CDH18: variants seen among roughly 807,000 people sequenced by gnomAD.
CDH18 encodes cadherin-18.
Under a neutral mutation model 67.9 loss-of-function variants are expected in CDH18, and 31 were observed. The observed-to-expected ratio is 0.46, with a 90% CI of 0.34 to 0.62. CDH18 has a LOEUF of 0.62. Ranked by LOEUF, CDH18 falls within the 20% of genes least tolerant of loss-of-function variation. CDH18 has a pLI of 0.01. For missense variants in CDH18, 890 were observed against 975.5 expected (o/e 0.91, Z 1.17); for synonymous variants, 362 against 347.2 (o/e 1.04, Z -0.48).
rs563246622 is a variant in CDH18 at position 20,542,185 on chromosome 5, A to G, written c.-580+33277T>C. 2.0e-5 allele frequency among the ~76,000 whole-genome samples: 3 copies of G among 152,322 alleles called. No individual in the cohort carries two copies. In the South Asian group the frequency reaches 6.2e-4, roughly 32 times the overall value. On this transcript the variant is annotated intron_variant, in intron 1 of 14. Coordinates refer to the CDH18 transcript ENST00000507958. ...AGTTCAGTTTTTCCATAGTATCTACAGCACTGGTGGTGCTAAAGAATTTAG... is the reference window on the plus strand; with the variant it reads ...AGTTCAGTTTTTCCATAGTATCTACGGCACTGGTGGTGCTAAAGAATTTAG...
intron 6 of CDH18, among the ~76,000 whole-genome samples, chr5:19,602,460 A>AACAC (rs143426499): frequency 0.057 from 8,630 of 150,764 alleles, 268 homozygotes; most frequent in Non-Finnish European, 0.074. Context: ...AACACTGCAA[A>AACAC]ACACACACAC....
intron 2 of CDH18, among the ~76,000 whole-genome samples, chr5:19,969,140 T>G (rs1420188684): frequency 6.8e-6 from 1 of 147,606 alleles, no homozygotes; most frequent in Admixed American, 6.6e-5. Flanking sequence ...AAAACCACAA[T>G]GAGATACCAT....
intron 4 of CDH18, among the ~76,000 whole-genome samples, chr5:19,739,807 T>C (rs186372403): frequency 1.3e-5 from 2 of 152,164 alleles, no homozygotes; most frequent in Non-Finnish European, 2.9e-5. Context: ...GATTTTTAAA[T>C]GGCTACTAGA....
At chr5:20,058,820 C>T (rs1231788813) in intron 2 of CDH18, among the ~76,000 whole-genome samples, 2 of 152,154 alleles carry the variant, frequency 1.3e-5, no homozygotes, top group Admixed American at 1.3e-4. Flanking sequence ...TTTACAGTAT[C>T]ATCAACTAAT....
At chr5:19,968,112 T>C (rs1297154886) in intron 2 of CDH18, among the ~76,000 whole-genome samples, 2 of 151,494 alleles carry the variant, frequency 1.3e-5, no homozygotes, top group African/African-American at 2.4e-5. Flanking sequence ...GAGAATAAAA[T>C]ACCTAGGAAT....
At chr5:19,870,494 T>C (rs1581723671) in intron 2 of CDH18, among the ~76,000 whole-genome samples, 1 of 152,258 alleles carries the variant, frequency 6.6e-6, no homozygotes, top group Middle Eastern at 3.4e-3. Context: ...TTGATATCGG[T>C]ATGATATTCT....
chr5:20,264,957 T>C (rs1744920476), intron 1 of CDH18, among the ~76,000 whole-genome samples: 2 of 152,014 alleles, frequency 1.3e-5, no homozygotes, highest in Non-Finnish European at 2.9e-5. Flanking sequence ...AGAACAAAGA[T>C]TTAAGGAAAA....
At chr5:19,943,854 T>A (rs1795057631) in intron 2 of CDH18, among the ~76,000 whole-genome samples, 1 of 152,138 alleles carries the variant, frequency 6.6e-6, no homozygotes, top group African/African-American at 2.4e-5. Flanking sequence ...TATTATTTGA[T>A]AATTTATAAA....
At chr5:20,459,684 C>G (rs9292941) in intron 1 of CDH18, among the ~76,000 whole-genome samples, 45,268 of 152,042 alleles carry the variant, frequency 0.3, 7,108 homozygotes, top group East Asian at 0.39. Context: ...CTCATTTCCT[C>G]TTTGTGCCAA....
chr5:19,600,639 C>T (rs1746979011), intron 6 of CDH18, among the ~76,000 whole-genome samples: 1 of 150,462 alleles, frequency 6.6e-6, no homozygotes, highest in South Asian at 2.1e-4. Flanking sequence ...AAGGTCTGTC[C>T]ATTCTTGGCA....
intron 2 of CDH18, among the ~76,000 whole-genome samples, chr5:19,921,258 A>G (rs7721392): frequency 0.63 from 95,961 of 152,048 alleles, 31,053 homozygotes; most frequent in African/African-American, 0.78. Context: ...CAGGCCGGGC[A>G]TAGTGGCTCA....
At chr5:19,724,679 AT>A (rs1766569550) in intron 4 of CDH18, among the ~76,000 whole-genome samples, 1 of 152,168 alleles carries the variant, frequency 6.6e-6, no homozygotes, top group Admixed American at 6.5e-5. Flanking sequence ...AAATGTTACC[AT>A]TACATGCAAA....
chr5:19,829,396 G>A (rs1369849116), intron 3 of CDH18, among the ~76,000 whole-genome samples: 4 of 152,064 alleles, frequency 2.6e-5, no homozygotes, highest in Non-Finnish European at 5.9e-5. Context: ...ACAAAAATCA[G>A]TAGCACTTAT....
At chr5:20,070,110 T>A (rs1339723932) in intron 2 of CDH18, among the ~76,000 whole-genome samples, 22 of 152,226 alleles carry the variant, frequency 1.4e-4, no homozygotes, top group Non-Finnish European at 1.5e-5. Context: ...CTGATGTTTT[T>A]ACTGTATCCA....
chr5:19,828,919 T>C (rs1223487854), intron 3 of CDH18, among the ~76,000 whole-genome samples: 1 of 152,094 alleles, frequency 6.6e-6, no homozygotes, highest in African/African-American at 2.4e-5. Context: ...GTGCCTGTAA[T>C]CCCAGCTACT....
intron 2 of CDH18, among the ~76,000 whole-genome samples, chr5:20,181,635 A>G (rs1407815298): frequency 6.6e-6 from 1 of 152,086 alleles, no homozygotes; most frequent in Non-Finnish European, 1.5e-5. Context: ...ACAGTTTTTG[A>G]CCTGTGGAAA....
chr5:20,009,927 G>A (rs1274275354), intron 2 of CDH18, among the ~76,000 whole-genome samples: 1 of 152,014 alleles, frequency 6.6e-6, no homozygotes, highest in Non-Finnish European at 1.5e-5. Flanking sequence ...GGTGGGTTGA[G>A]AACTATTTTC....
At chr5:20,279,852 C>T (rs1283707912) in intron 1 of CDH18, among the ~76,000 whole-genome samples, 1 of 151,898 alleles carries the variant, frequency 6.6e-6, no homozygotes, top group East Asian at 1.9e-4. Flanking sequence ...ATTTAGTCTG[C>T]ACTATAGACT....
intron 1 of CDH18, among the ~76,000 whole-genome samples, chr5:20,361,705 C>T (rs1481071100): frequency 6.6e-6 from 1 of 152,034 alleles, no homozygotes; most frequent in African/African-American, 2.4e-5. Context: ...TATTTGGTTT[C>T]TTAATACTGT....
Sources: allele counts gnomAD v4.1 joint callset (sites outside exome capture counted in the v4.1 genomes callset), GRCh38; gene constraint gnomAD v4.1.1; transcripts MANE v1.5; gene names NCBI Gene and HGNC (gene_info 2026-07-23, HGNC 2026-07-21).